The following SLU7 variants were observed in gnomAD, a reference collection of about 807,000 sequenced individuals.
SLU7 encodes the protein pre-mRNA-splicing factor SLU7.
A neutral mutation model predicts 87.0 loss-of-function variants in SLU7; 60 were observed. That is an observed-to-expected ratio of 0.69 (90% confidence interval 0.56 to 0.86). The LOEUF is 0.86. Ranked by LOEUF, SLU7 falls within the 40% of genes least tolerant of loss-of-function variation. The probability of loss-of-function intolerance (pLI) is 0.00; values close to 1 mark genes in which losing one functional copy is unlikely to be tolerated. For missense variants in SLU7, 507 were observed against 686.6 expected, an observed-to-expected ratio of 0.74 and a Z score of 2.92; for synonymous variants, 197 against 222.0, an observed-to-expected ratio of 0.89 and a Z score of 1.00.
intron 5 of SLU7, among the ~76,000 whole-genome samples, 158 bp from the exon 6 acceptor site, chr5:160,412,677 G>A (rs552214404): frequency 3.9e-5 from 6 of 151,932 alleles, no homozygotes; most frequent in Non-Finnish European, 8.8e-5. Flanking sequence ...ATCTCTTTGG[G>A]ATTCCTTGTA....
intron 6 of SLU7, among the ~76,000 whole-genome samples, chr5:160,411,157 C>T (rs115855280): frequency 0.014 from 2,169 of 151,854 alleles, 58 homozygotes; most frequent in African/African-American, 0.05. Flanking sequence ...TCAGCCACCG[C>T]GCCCGGCCGG....
intron 1 of SLU7, among the ~76,000 whole-genome samples, chr5:160,415,902 T>C (rs1765433852): frequency 6.6e-6 from 1 of 152,108 alleles, no homozygotes; most frequent in Non-Finnish European, 1.5e-5. Context: ...TCTTTTTCTT[T>C]TTTTTTTAGA....
In SLU7 at chr5:160,403,502, C is replaced by T. The variant is rs756916765; in HGVS notation, c.1582-38G>A. Reference sequence around the variant, plus strand: ...GAATAAAATGTGTATCACAGCTCTACATCAGATGTCTTTTCTTCAAAAGTG... The same window carrying T: ...GAATAAAATGTGTATCACAGCTCTATATCAGATGTCTTTTCTTCAAAAGTG... On this transcript the variant is annotated intron_variant, in intron 15 of 15. Coordinates refer to ENST00000297151, the MANE Select transcript of SLU7 (RefSeq NM_006425.5). 6 of 1,508,160 alleles carry T rather than the reference C, an allele frequency of 4.0e-6. No individual in the cohort carries two copies. The South Asian group carries it at 5.3e-5, about 13-fold the overall frequency. 93.4% of individuals were successfully genotyped at this position (1,508,160 alleles called of 1,614,324 possible).
rs746681079 is a variant in SLU7 at position 160,413,972 on chromosome 5, A to G, written c.332T>C (p.Ile111Thr). The G allele has an allele frequency of 7.7e-6, 12 of 1,565,906 alleles. No individual in the cohort carries two copies. The highest frequency in any genetic ancestry group is 1.7e-4 in the Middle Eastern group (1 of 5,820). Residue 111 changes from isoleucine (I) to threonine (T), a missense_variant, in exon 4 of 16, where the codon ATA (isoleucine) becomes ACA (threonine). Coordinates refer to ENST00000297151, the MANE Select transcript of SLU7 (RefSeq NM_006425.5). ...WYKRGVKENS[I>T]ITKYRKGACE... ...TGCTCCTTTGCGGTACTTAGTAATT[A>G]TGGAATTCTATAAATATATATAAAG...
Position 160,407,425 on chromosome 5 carries a change from A to G in SLU7, c.1125+51T>C, listed in dbSNP as rs763035938. 5.2e-6 allele frequency: 8 copies of G among 1,531,356 alleles called. No individual in the cohort carries two copies. Among genetic ancestry groups the G allele is most frequent in the Non-Finnish European group, 7.1e-6 (8 of 1,126,960 alleles). 94.9% of individuals were successfully genotyped at this position (1,531,356 alleles called of 1,614,324 possible). ...AATGTAAAACTAACGCTTATTAACT[A>G]GTAACTTCTCTTTAACAGAAGTTCT... On this transcript the variant is annotated intron_variant, in intron 11 of 15. Coordinates refer to ENST00000297151, the MANE Select transcript of SLU7 (RefSeq NM_006425.5). The surrounding 1 kb of genome is among the most constrained non-coding windows in gnomAD (Gnocchi z 4.2).
chr5:160,414,469 G>A lies in SLU7; in HGVS notation c.174C>T (p.Asp58=), dbSNP rs1206994071. ...TATACTGAGGAATATGGGGGTTGAT[G>A]TCTCTGTAATTAAAGTAAAAAAAAA... ...APAEVDEEGK[D]INPHIPQYIS... is the part of the protein sequence containing the mutation. The change falls in exon 3 of 16, where the codon GAC becomes GAT. Residue 58 remains aspartate (D), a synonymous_variant. Transcript: ENST00000297151. 6.6e-7 allele frequency: 1 copy of A among 1,526,300 alleles called. No individual in the cohort carries two copies. Among genetic ancestry groups the A allele is most frequent in the East Asian group, 2.4e-5 (1 of 42,482 alleles). 94.5% of individuals were successfully genotyped at this position (1,526,300 alleles called of 1,614,324 possible).
At chr5:160,413,158 A>G (rs987496044) in intron 5 of SLU7, among the ~76,000 whole-genome samples, 1 of 152,218 alleles carries the variant, frequency 6.6e-6, no homozygotes, top group Admixed American at 6.5e-5. Flanking sequence ...TAACCTCACA[A>G]AACCAAAAGC....
chr5:160,411,602 C>T (rs1175994913), intron 6 of SLU7, among the ~76,000 whole-genome samples: 1 of 152,150 alleles, frequency 6.6e-6, no homozygotes. Context: ...TAACTGCTTA[C>T]TTGGTAATTA....
Position 160,413,632 on chromosome 5 carries a change from G to C in SLU7, c.406-12C>G, listed in dbSNP as rs778349946. On this transcript the variant is annotated splice_polypyrimidine_tract_variant and intron_variant, in intron 4 of 15. Transcript: ENST00000297151. ...ACTCGCCTAGGTCTCTAAAAACAGA[G>C]TAAGATTTAATCTTTTCCTAAGTTT... is the stretch of plus-strand genomic sequence containing the variant. 1 of 1,600,694 alleles carries C rather than the reference G, an allele frequency of 6.2e-7. No homozygotes were observed. The highest frequency in any genetic ancestry group is 2.2e-5 in the East Asian group (1 of 44,810).
Position 160,407,951 on chromosome 5 carries a change from A to G in SLU7, c.917+20T>C. ...AACTTTCTCTCATCTTAAAATCTGTACATTTAACTTGATACTTACTCATCT... is the reference window on the plus strand; with the variant it reads ...AACTTTCTCTCATCTTAAAATCTGTGCATTTAACTTGATACTTACTCATCT... On this transcript the variant is annotated intron_variant, in intron 9 of 15. Transcript: ENST00000297151. The surrounding 1 kb of genome is among the most constrained non-coding windows in gnomAD (Gnocchi z 4.2). 6.5e-7 allele frequency: 1 copy of G among 1,549,996 alleles called. No homozygotes were observed. The highest frequency in any genetic ancestry group is 8.9e-7 in the Non-Finnish European group (1 of 1,122,284).
chr5:160,414,271 T>G (rs960925733), intron 3 of SLU7, 48 bp downstream of exon 3: 1 of 1,438,532 alleles, frequency 7.0e-7, no homozygotes, highest in African/African-American at 1.5e-5. Context: ...TACATTAAGT[T>G]CTTAAACTCT....
Position 160,413,427 on chromosome 5 carries a change from ACCCCAGGAAAG to A in SLU7, c.570+18_570+28del. ...ACAGCAAAAGGACGATTCTTTAAAA[ACCCCAGGAAAG>A]CAGGGAATTTTGCTCACCAAATCAA... is the stretch of plus-strand genomic sequence containing the variant. On this transcript the variant is annotated intron_variant, in intron 5 of 15. Coordinates refer to ENST00000297151, the MANE Select transcript of SLU7 (RefSeq NM_006425.5). 1 of 1,602,180 alleles carries A rather than the reference ACCCCAGGAAAG, an allele frequency of 6.2e-7. No homozygotes were observed. The highest frequency in any genetic ancestry group is 8.5e-7 in the Non-Finnish European group (1 of 1,173,006).
intron 6 of SLU7, among the ~76,000 whole-genome samples, chr5:160,409,209 C>T (rs1765134840): frequency 6.6e-6 from 1 of 152,038 alleles, no homozygotes; most frequent in Non-Finnish European, 1.5e-5. Flanking sequence ...CATGTCTTCA[C>T]AGCCAAAGTG....
At chr5:160,408,193 G>A in intron 8 of SLU7, 125 bp from the exon 9 acceptor site, 1 of 1,192,148 alleles carries the variant, frequency 8.4e-7, no homozygotes, top group Non-Finnish European at 1.2e-6. Context: ...GGGTTCAGGT[G>A]AAGAGAAAAA....
At chr5:160,409,060 C>CA (rs1380971960) in intron 6 of SLU7, among the ~76,000 whole-genome samples, 2 of 151,526 alleles carry the variant, frequency 1.3e-5, no homozygotes. Context: ...ATTATAACCA[C>CA]AAAATGGTAA....
chr5:160,403,502 C>G lies in SLU7; in HGVS notation c.1582-38G>C, dbSNP rs756916765. 4.0e-6 allele frequency: 6 copies of G among 1,508,044 alleles called. No homozygotes were observed. The South Asian group carries it at 5.3e-5, about 13-fold the overall frequency. 93.4% of individuals were successfully genotyped at this position (1,508,044 alleles called of 1,614,324 possible). On this transcript the variant is annotated intron_variant, in intron 15 of 15. Coordinates refer to ENST00000297151, the MANE Select transcript of SLU7 (RefSeq NM_006425.5). The stretch of plus-strand genomic sequence containing the variant: ...GAATAAAATGTGTATCACAGCTCTA[C>G]ATCAGATGTCTTTTCTTCAAAAGTG...
rs1765093467 is a variant in SLU7, at chr5:160,408,377, C to T, written c.771G>A (p.Lys257=). The change falls in exon 8 of 16, where the codon AAG becomes AAA. Residue 257 remains lysine (K), a synonymous_variant. Transcript: ENST00000297151. ...IDMPGQNFDS[K]RRITVRNLRI... ...TGAGATTCCGGACAGTAATTCGTCT[C>T]TTGGAGTCAAAATTCTGTCCAGGCA... is the stretch of plus-strand genomic sequence containing the variant. The T allele has an allele frequency of 6.2e-7, 1 of 1,612,168 alleles. No individual in the cohort carries two copies. Among genetic ancestry groups the T allele is most frequent in the Admixed American group, 1.7e-5 (1 of 59,860 alleles).
Position 160,408,687 on chromosome 5 carries a change from T to G in SLU7, c.650A>C (p.Lys217Thr). Residue 217 changes from lysine (K) to threonine (T), a missense_variant, in exon 7 of 16, where the codon AAA (lysine) becomes ACA (threonine). Transcript: ENST00000297151. The stretch of plus-strand genomic sequence containing the variant: ...TGGTTCCTCTTCTCCCCACTGGTGT[T>G]TTGGAGAATTCTGCATCATGAAAGA... Reference protein sequence around the residue: ...GKLVEQANSPKHQWGEEEPNS... With the variant: ...GKLVEQANSPTHQWGEEEPNS... The G allele has an allele frequency of 6.4e-7, 1 of 1,562,162 alleles. No individual in the cohort carries two copies. The highest frequency in any genetic ancestry group is 2.3e-5 in the East Asian group (1 of 43,940).
In SLU7 at chr5:160,414,485, T is replaced by C. The variant is rs763320985; in HGVS notation, c.171-13A>G. 2 of 1,160,870 alleles carry C rather than the reference T, an allele frequency of 1.7e-6. No homozygotes were observed. Among genetic ancestry groups the C allele is most frequent in the Non-Finnish European group, 2.3e-6 (2 of 859,760 alleles). The allele number at this position is 1,160,870 out of a possible 1,614,324, so 71.9% of individuals were successfully genotyped here. Reference sequence around the variant, plus strand: ...GGGGTTGATGTCTCTGTAATTAAAGTAAAAAAAAAAAAAATTTAAGGATAA... The same window carrying C: ...GGGGTTGATGTCTCTGTAATTAAAGCAAAAAAAAAAAAAATTTAAGGATAA... On this transcript the variant is annotated splice_polypyrimidine_tract_variant and intron_variant, in intron 2 of 15. Coordinates refer to ENST00000297151, the MANE Select transcript of SLU7 (RefSeq NM_006425.5).
Sources: allele counts gnomAD v4.1 joint callset (sites outside exome capture counted in the v4.1 genomes callset), GRCh38; gene constraint gnomAD v4.1.1; non-coding constraint Gnocchi (gnomAD v3.1); transcripts MANE v1.5; gene names NCBI Gene and HGNC (gene_info 2026-07-23, HGNC 2026-07-21).